The following BAG3 variants were observed in gnomAD, a reference collection of about 807,000 sequenced individuals.
BAG3 encodes the protein BAG cochaperone 3.
A neutral mutation model predicts 40.5 loss-of-function variants in BAG3; 14 were observed. The observed-to-expected ratio is 0.35, with a 90% CI of 0.23 to 0.54. The LOEUF (loss-of-function observed/expected upper bound fraction) is 0.54. Ranked by LOEUF, BAG3 falls within the 20% of genes least tolerant of loss-of-function variation. The pLI, the probability that BAG3 is intolerant of heterozygous loss-of-function variation, is 0.91. For missense variants in BAG3, 788 were observed against 758.6 expected (o/e 1.04, Z -0.46); for synonymous variants, 302 against 307.8 (o/e 0.98, Z 0.20).
rs774085746 is a variant in BAG3 at position 119,676,582 on chromosome 10, G to A, written c.1028G>A (p.Arg343His). 66 of 1,613,910 alleles carry A rather than the reference G, an allele frequency of 4.1e-5. No individual in the cohort carries two copies. Among genetic ancestry groups the A allele is most frequent in the Non-Finnish European group, 5.1e-5 (60 of 1,180,016 alleles). Residue 343 changes from arginine (R) to histidine (H), a missense_variant, in exon 4 of 4, where the codon CGC (arginine) becomes CAC (histidine). By Grantham distance (29) the Arg-to-His change is conservative. Transcript: ENST00000369085. ...PPGHIPIQVI[R>H]KEVDSKPVSQ... is the part of the protein sequence containing the mutation. ...GGACACATCCCAATTCAAGTGATCC[G>A]CAAAGAGGTGGATTCTAAACCTGTT...
rs1554876558 is a variant in BAG3, at chr10:119,665,092, T to TTTGTGTGTGTG, written c.181-4758_181-4757insTGTGTGTGTGT. On this transcript the variant is annotated intron_variant, in intron 1 of 3. Transcript: ENST00000369085. ...GCCACCACACACAGCTAATTTTTGTTTGTGTGTGTGTGTGTGTGTGTGTGT... is the reference window on the plus strand; with the variant it reads ...GCCACCACACACAGCTAATTTTTGTTTTGTGTGTGTGTGTGTGTGTGTGTGTGTGTGTGTGT... Among the ~76,000 whole-genome samples, 201 of 87,834 alleles carry TTTGTGTGTGTG rather than the reference T, an allele frequency of 2.3e-3. 1 individual carries two copies. The highest frequency in any genetic ancestry group is 2.8e-3 in the Non-Finnish European group (123 of 44,050). 57.6% of individuals were successfully genotyped at this position (87,834 alleles called of 152,430 possible).
intron 1 of BAG3, among the ~76,000 whole-genome samples, chr10:119,665,362 C>T (rs1426809480): frequency 6.6e-6 from 1 of 151,488 alleles, no homozygotes; most frequent in African/African-American, 2.4e-5. Context: ...GGATGGTCTC[C>T]ATCTCCTGAC....
chr10:119,663,852 C>T (rs17099142), intron 1 of BAG3, among the ~76,000 whole-genome samples: 18,876 of 152,078 alleles, frequency 0.12, 1,350 homozygotes, highest in East Asian at 0.27. Flanking sequence ...CTTTAGGCTT[C>T]CTCACACACC....
In BAG3 at chr10:119,670,228, T is replaced by C. The variant is rs766613631; in HGVS notation, c.507+51T>C. On this transcript the variant is annotated intron_variant, in intron 2 of 3. Coordinates refer to ENST00000369085, the MANE Select transcript of BAG3 (RefSeq NM_004281.4). ...CTGCTGGGGAGCAAGCCGCTGTGCTTCCCAGGCCGGGCCCATCCCCTCAGG... is the reference window on the plus strand; with the variant it reads ...CTGCTGGGGAGCAAGCCGCTGTGCTCCCCAGGCCGGGCCCATCCCCTCAGG... 2.6e-6 allele frequency: 4 copies of C among 1,560,216 alleles called. No individual in the cohort carries two copies. The African/African-American group carries it at 5.4e-5, about 21-fold the overall frequency.
rs549435209 is a variant in BAG3, at chr10:119,656,248, C to T, written c.180+4393C>T. ...GATCTTTGAGACCCTCTGGCACTGG[C>T]GAACACGAGTGAACCCTGTGTCACA... is the stretch of plus-strand genomic sequence containing the variant. On this transcript the variant is annotated intron_variant, in intron 1 of 3. Transcript: ENST00000369085. 3.9e-5 allele frequency among the ~76,000 whole-genome samples: 6 copies of T among 152,228 alleles called. No individual in the cohort carries two copies. The South Asian group carries it at 6.2e-4, about 16-fold the overall frequency.
Position 119,677,217 on chromosome 10 carries a change from A to G in BAG3, c.1663A>G (p.Thr555Ala). 1 of 1,614,172 alleles carries G rather than the reference A, an allele frequency of 6.2e-7. No individual in the cohort carries two copies. Among genetic ancestry groups the G allele is most frequent in the South Asian group, 1.1e-5 (1 of 91,070 alleles). The change falls in exon 4 of 4, where the codon ACA becomes GCA. Residue 555 changes from threonine to alanine, a missense_variant. Physicochemically the swap from Thr to Ala is moderately conservative, Grantham distance 58 (BLOSUM62 0). Coordinates refer to ENST00000369085, the MANE Select transcript of BAG3 (RefSeq NM_004281.4). Reference sequence around the variant, plus strand: ...CACAGAAACCCAGCAGCCAGAAGCCACAGCAGCAGCGACTTCAAACCCCAG... The same window carrying G: ...CACAGAAACCCAGCAGCCAGAAGCCGCAGCAGCAGCGACTTCAAACCCCAG... ...PHTETQQPEA[T>A]AAATSNPSSM... is the part of the protein sequence containing the mutation.
intron 1 of BAG3, among the ~76,000 whole-genome samples, chr10:119,665,767 G>GTT (rs67527405): frequency 0.12 from 18,771 of 151,486 alleles, 1,341 homozygotes; most frequent in East Asian, 0.27. Flanking sequence ...TGAAATTCAT[G>GTT]TTTTTTTTAT....
chr10:119,666,613 G>A (rs1847072293), intron 1 of BAG3, among the ~76,000 whole-genome samples: 1 of 152,276 alleles, frequency 6.6e-6, no homozygotes, highest in South Asian at 2.1e-4. Flanking sequence ...TGCATGAGGT[G>A]CTCAGCTCGT....
rs1437206369 is a variant in BAG3, at chr10:119,672,998, C to A, written c.909+342C>A. Among the ~76,000 whole-genome samples, 1 of 152,160 alleles carries A rather than the reference C, an allele frequency of 6.6e-6. No individual in the cohort carries two copies. Among genetic ancestry groups the A allele is most frequent in the African/African-American group, 2.4e-5 (1 of 41,428 alleles). ...GCTCTTCACACCCCCATCCACACCG[C>A]AGCCACAGCCTCACCTTGGGTGTAG... On this transcript the variant is annotated intron_variant, in intron 3 of 3. Coordinates refer to ENST00000369085, the MANE Select transcript of BAG3 (RefSeq NM_004281.4). This position sits in a 1 kb window ranked among gnomAD's most constrained non-coding sequence, Gnocchi z 4.8.
chr10:119,675,829 T>C (rs1375544810), intron 3 of BAG3, among the ~76,000 whole-genome samples: 1 of 36,660 alleles, frequency 2.7e-5, no homozygotes, highest in Non-Finnish European at 5.4e-5. Flanking sequence ...TCCTTCCCCC[T>C]TCCCCCTTCC....
In BAG3 at chr10:119,677,397, T is replaced by C. The variant is rs1847256387; in HGVS notation, c.*115T>C. ...TTTTTATTAGCTGCTTGGTATGCAG[T>C]AACTTGGGTGGAGGCAAAACACTAA... On this transcript the variant is annotated 3_prime_UTR_variant, in exon 4 of 4. Coordinates refer to ENST00000369085, the MANE Select transcript of BAG3 (RefSeq NM_004281.4). 25 of 1,329,552 alleles carry C rather than the reference T, an allele frequency of 1.9e-5. No individual in the cohort carries two copies. Among genetic ancestry groups the C allele is most frequent in the Non-Finnish European group, 2.5e-5 (24 of 942,462 alleles). The allele number at this position is 1,329,552 out of a possible 1,614,324, so 82.4% of individuals were successfully genotyped here.
chr10:119,665,431 C>T (rs1414098206), intron 1 of BAG3, among the ~76,000 whole-genome samples: 1 of 151,906 alleles, frequency 6.6e-6, no homozygotes, highest in Admixed American at 6.6e-5. Flanking sequence ...TGAGCCACCG[C>T]GCCCAGCCTA....
At chr10:119,673,717 A>G (rs908209921) in intron 3 of BAG3, among the ~76,000 whole-genome samples, 1 of 152,232 alleles carries the variant, frequency 6.6e-6, no homozygotes, top group African/African-American at 2.4e-5. Context: ...TTTATTTGGA[A>G]ATAATTTCAA....
intron 1 of BAG3, among the ~76,000 whole-genome samples, chr10:119,661,175 G>C (rs544825761): frequency 4.6e-5 from 7 of 152,280 alleles, no homozygotes; most frequent in Admixed American, 3.9e-4. Flanking sequence ...CATGAGAATT[G>C]CTTGAACTCG....
intron 3 of BAG3, among the ~76,000 whole-genome samples, chr10:119,673,392 G>A (rs1051757787): frequency 1.3e-5 from 2 of 152,228 alleles, no homozygotes; most frequent in African/African-American, 4.8e-5. Flanking sequence ...TGGTCTGGCT[G>A]AGGCATCAGC....
rs752056366 is a variant in BAG3, at chr10:119,670,138, G to A, written c.468G>A (p.Ala156=). The A allele has an allele frequency of 1.2e-5, 20 of 1,610,378 alleles. 1 individual carries two copies. The highest frequency in any genetic ancestry group is 8.8e-5 in the South Asian group (8 of 91,016). Residue 156 remains alanine, a synonymous_variant, in exon 2 of 4, where the codon GCG becomes GCA. Coordinates refer to ENST00000369085, the MANE Select transcript of BAG3 (RefSeq NM_004281.4). ...QPDKQCGQVA[A]AAAAQPPASH... The stretch of plus-strand genomic sequence containing the variant: ...ATAAACAGTGTGGACAGGTGGCAGC[G>A]GCGGCGGCAGCCCAGCCCCCAGCCT...
rs1589632848 is a variant in BAG3, at chr10:119,676,958, G to A, written c.1404G>A (p.Val468=). 1 of 1,614,190 alleles carries A rather than the reference G, an allele frequency of 6.2e-7. No individual in the cohort carries two copies. The highest frequency in any genetic ancestry group is 2.2e-5 in the East Asian group (1 of 44,886). Reference sequence around the variant, plus strand: ...AAGAGCTGCTGGCCCTGGATTCAGTGGACCCCGAGGGACGAGCCGATGTGC... The same window carrying A: ...AAGAGCTGCTGGCCCTGGATTCAGTAGACCCCGAGGGACGAGCCGATGTGC... ...LTKELLALDS[V]DPEGRADVRQ... The change falls in exon 4 of 4, where the codon GTG becomes GTA. Residue 468 remains valine, a synonymous_variant. Coordinates refer to ENST00000369085, the MANE Select transcript of BAG3 (RefSeq NM_004281.4).
chr10:119,665,140 A>ATTTTTTTT (rs1491344342), intron 1 of BAG3, among the ~76,000 whole-genome samples: 1 of 84,366 alleles, frequency 1.2e-5, no homozygotes, highest in Non-Finnish European at 2.3e-5. Flanking sequence ...ATATATATAT[A>ATTTTTTTT]TATATTTTTT....
chr10:119,672,245 T>C lies in BAG3; in HGVS notation c.508-10T>C. 6.2e-7 allele frequency: 1 copy of C among 1,612,196 alleles called. No homozygotes were observed. Among genetic ancestry groups the C allele is most frequent in the Non-Finnish European group, 8.5e-7 (1 of 1,179,984 alleles). On this transcript the variant is annotated splice_polypyrimidine_tract_variant and intron_variant, in intron 2 of 3. Coordinates refer to ENST00000369085, the MANE Select transcript of BAG3 (RefSeq NM_004281.4). This position sits in a 1 kb window ranked among gnomAD's most constrained non-coding sequence, Gnocchi z 4.8. ...GTGGGGTCATGCCCTCTACCCTGTG[T>C]CTCTTGCAGCGGTCCCAGTCTCCAG... is the stretch of plus-strand genomic sequence containing the variant.
Sources: gnomAD v4.1 joint callset for allele counts (sites outside exome capture counted in the v4.1 genomes callset) on GRCh38, gnomAD v4.1.1 for gene constraint, Gnocchi (gnomAD v3.1) non-coding constraint, MANE v1.5 for transcripts, NCBI Gene and HGNC (gene_info 2026-07-23, HGNC 2026-07-21) for gene names.